KCNJ15: variants seen among roughly 807,000 people sequenced by gnomAD.
KCNJ15 encodes the protein ATP-sensitive inward rectifier potassium channel 15.
A neutral mutation model predicts 23.0 loss-of-function variants in KCNJ15; 14 were observed. The ratio of observed to expected loss-of-function variants is 0.61; its 90% confidence interval spans 0.40 to 0.95. KCNJ15 has a LOEUF of 0.95. Among genes scored for constraint, KCNJ15 ranks in the 40% least tolerant of loss-of-function variants. KCNJ15 has a pLI of 0.00. For synonymous variants in KCNJ15, 185 were observed against 183.2 expected, an observed-to-expected ratio of 1.01 and a Z score of -0.08; for missense variants, 388 against 461.8, an observed-to-expected ratio of 0.84 and a Z score of 1.46.
At chr21:38,258,373 G>A (rs1313800677) in intron 1 of KCNJ15, among the ~76,000 whole-genome samples, 3 of 152,184 alleles carry the variant, frequency 2.0e-5, no homozygotes, top group South Asian at 2.1e-4. Flanking sequence ...ACTTCCAGCC[G>A]ATTAATTAGG....
chr21:38,277,027 T>TTGTGTGTG (rs3988469), intron 1 of KCNJ15, among the ~76,000 whole-genome samples: 1,792 of 149,928 alleles, frequency 0.012, 33 homozygotes, highest in African/African-American at 0.039. Context: ...GATTAAAAAA[T>TTGTGTGTG]TGTGTGTGTG....
chr21:38,264,561 C>T (rs1981264209), intron 1 of KCNJ15, among the ~76,000 whole-genome samples: 1 of 152,248 alleles, frequency 6.6e-6, no homozygotes, highest in Non-Finnish European at 1.5e-5. Flanking sequence ...AATCCACAGG[C>T]ACTGACATGA....
intron 1 of KCNJ15, chr21:38,267,218 A>G (rs915458962): frequency 1.7e-4 from 26 of 152,450 alleles, no homozygotes; most frequent in African/African-American, 6.0e-4. Flanking sequence ...GGAAACAAAA[A>G]TCAGGAGATG....
intron 1 of KCNJ15, among the ~76,000 whole-genome samples, chr21:38,288,026 C>CT (rs1171718120): frequency 0.012 from 909 of 78,090 alleles, 5 homozygotes; most frequent in Admixed American, 0.016. Flanking sequence ...TTGTTTTTTT[C>CT]TTTGTTTTTT....
At chr21:38,287,641 T>C (rs1036932954) in intron 1 of KCNJ15, among the ~76,000 whole-genome samples, 1 of 152,250 alleles carries the variant, frequency 6.6e-6, no homozygotes. Flanking sequence ...TCTTGTATTT[T>C]ATCTGGCAAC....
intron 1 of KCNJ15, among the ~76,000 whole-genome samples, chr21:38,282,593 A>G (rs879812835): frequency 5.3e-5 from 8 of 152,148 alleles, no homozygotes; most frequent in African/African-American, 1.7e-4. Context: ...CTAGCTGTGG[A>G]CTGGATTCCT....
Position 38,299,664 on chromosome 21 carries a change from A to G in KCNJ15, c.403A>G (p.Ile135Val). 6.2e-7 allele frequency: 1 copy of G among 1,614,180 alleles called. No individual in the cohort carries two copies. Among genetic ancestry groups the G allele is most frequent in the Non-Finnish European group, 8.5e-7 (1 of 1,180,030 alleles). The change falls in exon 3 of 3, where the codon ATC becomes GTC. Residue 135 changes from isoleucine (I) to valine (V), a missense_variant. Physicochemically the swap from Ile to Val is conservative, Grantham distance 29. Transcript: ENST00000398938. The surrounding 1 kb of genome is among the most constrained non-coding windows in gnomAD (Gnocchi z 4.5). ...AACCATTGGCTATGGAGTCCGTTCC[A>G]TCACAGAGGAATGTCCTCATGCCAT... Reference protein sequence around the residue: ...QTTIGYGVRSITEECPHAIFL... With the variant: ...QTTIGYGVRSVTEECPHAIFL...
At chr21:38,246,635 A>T (rs187822366) in intron 1 of KCNJ15, among the ~76,000 whole-genome samples, 6 of 152,322 alleles carry the variant, frequency 3.9e-5, no homozygotes, top group Non-Finnish European at 5.9e-5. Flanking sequence ...TTTAATTTTT[A>T]AAAAAGAGGA....
Position 38,303,123 on chromosome 21 carries a change from C to A in KCNJ15, c.*2734C>A, listed in dbSNP as rs1184304005. ...TCAATAAATAGCTCTGAAGTTGTAT[C>A]TGATTTGAAACTTACCATTTTCCTG... On this transcript the variant is annotated 3_prime_UTR_variant, in exon 3 of 3. Transcript: ENST00000398938. The A allele has an allele frequency of 6.6e-6, 1 of 151,920 alleles. No individual in the cohort carries two copies. The highest frequency in any genetic ancestry group is 1.5e-5 in the Non-Finnish European group (1 of 67,994). 9.4% of individuals were successfully genotyped at this position (151,920 alleles called of 1,614,324 possible).
chr21:38,255,406 G>A (rs540821324), upstream of KCNJ15, among the ~76,000 whole-genome samples: 1 of 152,296 alleles, frequency 6.6e-6, no homozygotes, highest in Non-Finnish European at 1.5e-5. Context: ...ATCCTCGCGG[G>A]AGGTCTATCT....
intron 1 of KCNJ15, among the ~76,000 whole-genome samples, chr21:38,258,086 A>G (rs1213485871): frequency 6.6e-6 from 1 of 152,166 alleles, no homozygotes; most frequent in African/African-American, 2.4e-5. Flanking sequence ...TGAAAAAAAA[A>G]AAATCCAAGT....
chr21:38,299,568 A>C lies in KCNJ15; in HGVS notation c.307A>C (p.Asn103His). Residue 103 changes from asparagine (N) to histidine (H), a missense_variant, in exon 3 of 3, where the codon AAT (asparagine) becomes CAT (histidine). By Grantham distance (68) the Asn-to-His change is moderately conservative. Transcript: ENST00000398938. The surrounding 1 kb of genome is among the most constrained non-coding windows in gnomAD (Gnocchi z 4.5). Reference protein sequence around the residue: ...GDLEPGEPISNHTPCIMKVDS... With the variant: ...GDLEPGEPISHHTPCIMKVDS... ...CTTAGAACCCGGTGAGCCCATTTCA[A>C]ATCATACCCCCTGCATCATGAAAGT... 1 of 1,614,066 alleles carries C rather than the reference A, an allele frequency of 6.2e-7. No homozygotes were observed. Among genetic ancestry groups the C allele is most frequent in the Non-Finnish European group, 8.5e-7 (1 of 1,180,008 alleles).
rs1027265810 is a variant in KCNJ15, at chr21:38,300,486, C to T, written c.*97C>T. 3.0e-5 allele frequency: 32 copies of T among 1,070,298 alleles called. No homozygotes were observed. The highest frequency in any genetic ancestry group is 2.7e-4 in the Middle Eastern group (1 of 3,654). The allele number at this position is 1,070,298 out of a possible 1,614,324, so 66.3% of individuals were successfully genotyped here. A position where few individuals can be genotyped will look rare whatever the true frequency, so the allele number is the denominator to read the frequency against. On this transcript the variant is annotated 3_prime_UTR_variant, in exon 3 of 3. Coordinates refer to ENST00000398938, the MANE Select transcript of KCNJ15 (RefSeq NM_170736.3). ...TGCTGTGAAAACGAAAATGTGTAGA[C>T]GCACTCTCAAAAACTGCACGGACAT...
chr21:38,251,354 A>G (rs932545981), intron 1 of KCNJ15, among the ~76,000 whole-genome samples: 2 of 152,204 alleles, frequency 1.3e-5, no homozygotes, highest in African/African-American at 2.4e-5. Context: ...ATAAAGTTCA[A>G]TTTGAATAAG....
At chr21:38,251,555 A>G (rs533573273) in intron 1 of KCNJ15, among the ~76,000 whole-genome samples, 33 of 152,324 alleles carry the variant, frequency 2.2e-4, no homozygotes, top group Admixed American at 5.9e-4. Context: ...AAGTATATAC[A>G]TTCCCACCTG....
At chr21:38,287,513 T>G (rs914177288) in intron 1 of KCNJ15, among the ~76,000 whole-genome samples, 1 of 152,208 alleles carries the variant, frequency 6.6e-6, no homozygotes, top group East Asian at 1.9e-4. Flanking sequence ...TACATATGTA[T>G]CTCTGAATTT....
chr21:38,273,570 A>G (rs990812328), intron 1 of KCNJ15, among the ~76,000 whole-genome samples: 1 of 152,276 alleles, frequency 6.6e-6, no homozygotes, highest in Non-Finnish European at 1.5e-5. Flanking sequence ...ACCCTATTCA[A>G]TTACCCATGT....
At chr21:38,258,046 CT>C (rs917023857) in intron 1 of KCNJ15, among the ~76,000 whole-genome samples, 1 of 151,914 alleles carries the variant, frequency 6.6e-6, no homozygotes, top group African/African-American at 2.4e-5. Context: ...TTAGATTTAT[CT>C]TTTTCCCCTT....
chr21:38,293,419 G>C (rs191973507), intron 1 of KCNJ15, among the ~76,000 whole-genome samples: 2 of 152,278 alleles, frequency 1.3e-5, no homozygotes, highest in African/African-American at 2.4e-5. Flanking sequence ...CGCTACGCCC[G>C]GGCAGGGAAA....
Sources: allele counts gnomAD v4.1 joint callset (sites outside exome capture counted in the v4.1 genomes callset), GRCh38; gene constraint gnomAD v4.1.1; non-coding constraint Gnocchi (gnomAD v3.1); transcripts MANE v1.5; gene names NCBI Gene and HGNC (gene_info 2026-07-23, HGNC 2026-07-21).